Variants in C17orf75 observed in about 807,000 individuals in gnomAD.
The protein encoded by C17orf75 is protein Njmu-R1.
Under a neutral mutation model 49.6 loss-of-function variants are expected in C17orf75, and 32 were observed. The observed-to-expected ratio is 0.65, with a 90% CI of 0.49 to 0.87. C17orf75 has a LOEUF of 0.87. Ranked by LOEUF, C17orf75 falls within the 40% of genes least tolerant of loss-of-function variation. The pLI, the probability that C17orf75 is intolerant of heterozygous loss-of-function variation, is 0.00. For missense variants in C17orf75, 428 were observed against 473.9 expected (o/e 0.90, Z 0.90); for synonymous variants, 158 against 159.5 (o/e 0.99, Z 0.07).
At chr17:32,334,906 C>T in intron 6 of C17orf75, 67 bp from the exon 7 acceptor site, 2 of 1,292,986 alleles carry the variant, frequency 1.5e-6, no homozygotes, top group Non-Finnish European at 2.1e-6. Context: ...CTACTCATGA[C>T]TAAATGTCCC....
intron 2 of C17orf75, 154 bp downstream of exon 2, chr17:32,341,050 G>A: frequency 1.3e-6 from 1 of 755,328 alleles, no homozygotes; most frequent in Non-Finnish European, 2.2e-6. Flanking sequence ...ACCAGCCAAT[G>A]AGGAAATCAG....
rs2041308572 is a variant in C17orf75 at position 32,334,617 on chromosome 17, A to T, written c.735-12T>A. On this transcript the variant is annotated splice_polypyrimidine_tract_variant and intron_variant, in intron 7 of 9. Coordinates refer to ENST00000577809, the MANE Select transcript of C17orf75 (RefSeq NM_022344.4). Reference sequence around the variant, plus strand: ...CCACACTCAGAAACCTGCCACACACACAAGTCCATTTCCACAAACAATATT... The same window carrying T: ...CCACACTCAGAAACCTGCCACACACTCAAGTCCATTTCCACAAACAATATT... The T allele has an allele frequency of 6.2e-7, 1 of 1,610,666 alleles. No individual in the cohort carries two copies. The highest frequency in any genetic ancestry group is 8.5e-7 in the Non-Finnish European group (1 of 1,179,046).
chr17:32,348,867 C>CTTTTTTTTTTTTTT lies in C17orf75; in HGVS notation c.-7+1061_-7+1074dup, dbSNP rs561014138. ...CAGCACCTTCACTGACAGCTCCAGT[C>CTTTTTTTTTTTTTT]TTTTTTTTTTTTTTTTGAGACGGAG... is the stretch of plus-strand genomic sequence containing the variant. On this transcript the variant is annotated intron_variant, in intron 1 of 8. Coordinates refer to the C17orf75 transcript ENST00000583774. 6.2e-4 allele frequency among the ~76,000 whole-genome samples: 67 copies of CTTTTTTTTTTTTTT among 108,854 alleles called. 3 individuals are homozygous for CTTTTTTTTTTTTTT. The highest frequency in any genetic ancestry group is 6.6e-4 in the Non-Finnish European group (37 of 56,474). 71.4% of individuals were successfully genotyped at this position (108,854 alleles called of 152,430 possible).
At chr17:32,341,076 G>C in intron 2 of C17orf75, 128 bp downstream of exon 2, 3 of 966,138 alleles carry the variant, frequency 3.1e-6, no homozygotes, top group Non-Finnish European at 4.9e-6. Flanking sequence ...GGTTCCTAGG[G>C]GATAGGAGGA....
intron 9 of C17orf75, among the ~76,000 whole-genome samples, chr17:32,332,734 C>T (rs542506566): frequency 1.8e-4 from 27 of 152,318 alleles, no homozygotes; most frequent in Admixed American, 5.2e-4. Context: ...CCACTGCACT[C>T]TAGCCTGAGT....
intron 2 of C17orf75, among the ~76,000 whole-genome samples, chr17:32,340,488 C>T (rs1462906010): frequency 6.6e-6 from 1 of 151,642 alleles, no homozygotes; most frequent in African/African-American, 2.4e-5. Context: ...AAAAAAAATA[C>T]AAAAAAATTA....
At chr17:32,344,375 T>C (rs1597740372), upstream of C17orf75, among the ~76,000 whole-genome samples, 1 of 152,080 alleles carries the variant, frequency 6.6e-6, no homozygotes, top group African/African-American at 2.4e-5. Context: ...CCCAGCACTT[T>C]GGGAGGCCGA....
At chr17:32,345,947 G>A (rs2041422154), upstream of C17orf75, among the ~76,000 whole-genome samples, 2 of 152,046 alleles carry the variant, frequency 1.3e-5, no homozygotes, top group African/African-American at 4.8e-5. Flanking sequence ...GGACATTATT[G>A]CTTCTAGGCC....
At chr17:32,338,045 C>A in intron 4 of C17orf75, 91 bp from the exon 5 acceptor site, 1 of 1,519,566 alleles carries the variant, frequency 6.6e-7, no homozygotes, top group Non-Finnish European at 9.0e-7. Flanking sequence ...ATAATGTGAG[C>A]TGCAAATGCA....
In C17orf75 at chr17:32,333,432, C is replaced by T; in HGVS notation, c.960G>A (p.Glu320=). The T allele has an allele frequency of 6.2e-7, 1 of 1,611,286 alleles. No individual in the cohort carries two copies. Among genetic ancestry groups the T allele is most frequent in the Non-Finnish European group, 8.5e-7 (1 of 1,179,008 alleles). ...AACTAATTACCTTTAGTTTAAAGTT[C>T]TCCAGTACTTGTCGGAAAAGAAAAG... ...GNPFLFRQVL[E]NFKLKAIQDT... Residue 320 remains glutamate (E), a synonymous_variant, in exon 9 of 10, where the codon GAG becomes GAA. Transcript: ENST00000577809.
intron 1 of C17orf75, among the ~76,000 whole-genome samples, chr17:32,349,059 T>G (rs1403949835): frequency 6.6e-6 from 1 of 150,960 alleles, no homozygotes; most frequent in South Asian, 2.1e-4. Context: ...AGAGACAGGG[T>G]TTCACCATGT....
intron 5 of C17orf75, among the ~76,000 whole-genome samples, chr17:32,336,511 G>A (rs909310135): frequency 3.9e-5 from 6 of 152,136 alleles, no homozygotes; most frequent in Non-Finnish European, 7.4e-5. Context: ...ACCACACCCA[G>A]CCAGTTTTTC....
At position 32,335,328 on chromosome 17, in the gene C17orf75, G is replaced by A. The variant is rs1213260704; in HGVS notation, c.664C>T (p.His222Tyr). 2 of 1,613,754 alleles carry A rather than the reference G, an allele frequency of 1.2e-6. No homozygotes were observed. Among genetic ancestry groups the A allele is most frequent in the East Asian group, 2.2e-5 (1 of 44,888 alleles). The change falls in exon 6 of 10, where the codon CAT (histidine) becomes TAT (tyrosine). Residue 222 changes from histidine to tyrosine, a missense_variant. By Grantham distance (83) the His-to-Tyr change is moderately conservative (BLOSUM62 2). Transcript: ENST00000577809. ...LFQEKLTFLL[H>Y]AALSYTPVEV... ...TCTCATTTGGCAGTACTTACAGCATGTAGCAGAAAGGTAAGCTTTTCCTGA... is the reference window on the plus strand; with the variant it reads ...TCTCATTTGGCAGTACTTACAGCATATAGCAGAAAGGTAAGCTTTTCCTGA...
At position 32,329,989 on chromosome 17, in the gene C17orf75, C is replaced by T. The variant is rs190169921; in HGVS notation, c.*1774G>A. 1.3e-5 allele frequency: 2 copies of T among 152,408 alleles called. No homozygotes were observed. The highest frequency in any genetic ancestry group is 1.5e-5 in the Non-Finnish European group (1 of 68,108). The allele number at this position is 152,408 out of a possible 1,614,324, so 9.4% of individuals were successfully genotyped here. A position where few individuals can be genotyped will look rare whatever the true frequency, so the allele number is the denominator to read the frequency against. ...TCCCAAGTAGCTGGGACTACAGGCA[C>T]ATGCCACAGTTCCCAGCTAATTTTT... On this transcript the variant is annotated 3_prime_UTR_variant, in exon 10 of 10. Transcript: ENST00000577809.
intron 1 of C17orf75, among the ~76,000 whole-genome samples, chr17:32,348,734 A>G (rs2041448671): frequency 6.6e-6 from 1 of 152,094 alleles, no homozygotes; most frequent in Non-Finnish European, 1.5e-5. Context: ...CCCTCTTAGA[A>G]CCACTGTGCC....
chr17:32,345,681 T>G (rs1230738682), upstream of C17orf75, among the ~76,000 whole-genome samples: 2 of 151,578 alleles, frequency 1.3e-5, no homozygotes, highest in African/African-American at 4.8e-5. Flanking sequence ...AATATAAGAA[T>G]TAGGCGGGCG....
In C17orf75 at chr17:32,332,804, G is replaced by A. The variant is rs180840917; in HGVS notation, c.975+613C>T. On this transcript the variant is annotated intron_variant, in intron 9 of 9. Coordinates refer to ENST00000577809, the MANE Select transcript of C17orf75 (RefSeq NM_022344.4). ...ACAAAACTAAATAAGGTGACAACAC[G>A]TCCCCATCAGAATTTTTTTTTTTTA... 7.2e-5 allele frequency among the ~76,000 whole-genome samples: 11 copies of A among 152,052 alleles called. No individual in the cohort carries two copies. In the East Asian group the frequency reaches 1.7e-3, roughly 24 times the overall value.
Position 32,331,744 on chromosome 17 carries a change from A to C in C17orf75, c.*19T>G. 7.7e-6 allele frequency: 12 copies of C among 1,566,820 alleles called. No individual in the cohort carries two copies. Among genetic ancestry groups the C allele is most frequent in the Non-Finnish European group, 1.1e-5 (12 of 1,137,330 alleles). On this transcript the variant is annotated 3_prime_UTR_variant, in exon 10 of 10. Coordinates refer to ENST00000577809, the MANE Select transcript of C17orf75 (RefSeq NM_022344.4). Reference sequence around the variant, plus strand: ...CTTAAATATACAACTTGATCATACAATTATCTCAAAACATATGATCAAAAA... The same window carrying C: ...CTTAAATATACAACTTGATCATACACTTATCTCAAAACATATGATCAAAAA...
chr17:32,339,218 ACT>A (rs1393080714), intron 3 of C17orf75, among the ~76,000 whole-genome samples: 1 of 150,804 alleles, frequency 6.6e-6, no homozygotes, highest in Non-Finnish European at 1.5e-5. Context: ...GTTTACATAA[ACT>A]CTGAGTTTAT....
Sources: gnomAD v4.1 joint callset for allele counts (sites outside exome capture counted in the v4.1 genomes callset) on GRCh38, gnomAD v4.1.1 for gene constraint, MANE v1.5 for transcripts, NCBI Gene and HGNC (gene_info 2026-07-23, HGNC 2026-07-21) for gene names.